Variants in TSPAN9 observed in about 807,000 individuals in gnomAD.
The protein encoded by TSPAN9 is tetraspanin 9.
A neutral mutation model predicts 31.0 loss-of-function variants in TSPAN9; 16 were observed. That is an observed-to-expected ratio of 0.52 (90% CI 0.35 to 0.78). The LOEUF is 0.78. TSPAN9 is among the 30% of genes least tolerant of loss of function. TSPAN9 has a pLI of 0.01. For synonymous variants in TSPAN9, 145 were observed against 121.6 expected (o/e 1.19, Z -1.27); for missense variants, 272 against 312.5 (o/e 0.87, Z 0.98).
chr12:3,247,428 C>T (rs1862159705), intron 3 of TSPAN9, among the ~76,000 whole-genome samples: 1 of 151,976 alleles, frequency 6.6e-6, no homozygotes, highest in Non-Finnish European at 1.5e-5. Flanking sequence ...GCCTTTGACT[C>T]TAAGTCTTCA....
chr12:3,197,716 C>A, intron 2 of TSPAN9, among the ~76,000 whole-genome samples: 1 of 141,238 alleles, frequency 7.1e-6, no homozygotes, highest in East Asian at 2.1e-4. Context: ...AGGTCACCAC[C>A]AGCACAGGTC....
intron 2 of TSPAN9, among the ~76,000 whole-genome samples, chr12:3,139,840 G>A (rs1220514299): frequency 3.3e-5 from 5 of 152,200 alleles, no homozygotes; most frequent in African/African-American, 1.2e-4. Flanking sequence ...GAGCCACCGT[G>A]CCTGGCCTCA....
At chr12:3,153,663 A>G (rs1339207098) in intron 2 of TSPAN9, among the ~76,000 whole-genome samples, 1 of 152,088 alleles carries the variant, frequency 6.6e-6, no homozygotes, top group Non-Finnish European at 1.5e-5. Flanking sequence ...AACTGCACTA[A>G]TACATTAATA....
intron 3 of TSPAN9, among the ~76,000 whole-genome samples, chr12:3,210,381 A>G (rs888784202): frequency 2.0e-5 from 3 of 152,194 alleles, no homozygotes; most frequent in Non-Finnish European, 4.4e-5. Flanking sequence ...GTAAAATGCT[A>G]TATTATAATG....
intron 3 of TSPAN9, among the ~76,000 whole-genome samples, chr12:3,277,191 C>T (rs1591721546): frequency 2.0e-5 from 3 of 152,216 alleles, no homozygotes; most frequent in African/African-American, 4.8e-5. Context: ...TTTGCAAGCT[C>T]ACACCACCAG....
Position 3,168,217 on chromosome 12 carries a change from C to T in TSPAN9, c.-17-32960C>T, listed in dbSNP as rs1291407071. Among the ~76,000 whole-genome samples the T allele has an allele frequency of 6.6e-6, 1 of 152,188 alleles. No individual in the cohort carries two copies. The highest frequency in any genetic ancestry group is 1.5e-5 in the Non-Finnish European group (1 of 68,024). On this transcript the variant is annotated intron_variant, in intron 2 of 8. Transcript: ENST00000011898. The surrounding 1 kb of genome is among the most constrained non-coding windows in gnomAD (Gnocchi z 4.0). ...GAGAATCATTCGCTCTTTTCTCTAT[C>T]ATGGGAAAAATCTTCATCCCTCTAC... is the stretch of plus-strand genomic sequence containing the variant.
At position 3,283,464 on chromosome 12, in the gene TSPAN9, G is replaced by A. The variant is rs946202052; in HGVS notation, c.*348G>A. 9.6e-6 allele frequency: 2 copies of A among 208,930 alleles called. No individual in the cohort carries two copies. The highest frequency in any genetic ancestry group is 4.6e-5 in the African/African-American group (2 of 43,160). 12.9% of individuals were successfully genotyped at this position (208,930 alleles called of 1,614,324 possible). ...CACTGACACTTTGTCCCCACATGGG[G>A]TGGGGAGCAGAGTGCCCGCCCCGTG... On this transcript the variant is annotated 3_prime_UTR_variant, in exon 9 of 9. Transcript: ENST00000011898.
chr12:3,183,756 G>A (rs1165304354), intron 2 of TSPAN9, among the ~76,000 whole-genome samples: 1 of 152,186 alleles, frequency 6.6e-6, no homozygotes, highest in East Asian at 1.9e-4. Flanking sequence ...AGGGAACTCG[G>A]CATTTGGGAA....
At chr12:3,156,272 G>A (rs530728978) in intron 2 of TSPAN9, among the ~76,000 whole-genome samples, 18 of 152,252 alleles carry the variant, frequency 1.2e-4, no homozygotes, top group Middle Eastern at 3.4e-3. Flanking sequence ...GACGGATCTC[G>A]TTGTGAATAA....
intron 2 of TSPAN9, among the ~76,000 whole-genome samples, chr12:3,128,985 T>A (rs1386027885): frequency 6.6e-6 from 1 of 152,232 alleles, no homozygotes; most frequent in Non-Finnish European, 1.5e-5. Flanking sequence ...AATTGGATTA[T>A]TCCAGGTACC....
At chr12:3,104,734 C>T (rs1408475249) in intron 2 of TSPAN9, among the ~76,000 whole-genome samples, 1 of 152,288 alleles carries the variant, frequency 6.6e-6, no homozygotes, top group African/African-American at 2.4e-5. Context: ...TTAATCCGCC[C>T]AGCAACTTTA....
chr12:3,082,502 G>T (rs2153961837), intron 1 of TSPAN9, among the ~76,000 whole-genome samples: 1 of 152,332 alleles, frequency 6.6e-6, no homozygotes, highest in Admixed American at 6.5e-5. Context: ...TGTGGAGATA[G>T]CCATCAACCT....
At chr12:3,174,734 C>T (rs914526344) in intron 2 of TSPAN9, among the ~76,000 whole-genome samples, 5 of 142,562 alleles carry the variant, frequency 3.5e-5, no homozygotes, top group African/African-American at 9.7e-5. Context: ...AGGCGCCCAC[C>T]ACCGCGCCCG....
intron 2 of TSPAN9, chr12:3,200,621 G>A (rs1027922088): frequency 2.0e-5 from 3 of 152,478 alleles, no homozygotes; most frequent in Non-Finnish European, 4.4e-5. Flanking sequence ...TCAAATTGCA[G>A]CCTCCCCAAA....
chr12:3,130,584 G>A (rs572303666), intron 2 of TSPAN9, among the ~76,000 whole-genome samples: 29 of 152,314 alleles, frequency 1.9e-4, no homozygotes, highest in African/African-American at 6.7e-4. Context: ...CTGGGGCAGG[G>A]TGGCAGAGTG....
At chr12:3,266,773 C>T (rs149095481) in intron 3 of TSPAN9, among the ~76,000 whole-genome samples, 3 of 152,200 alleles carry the variant, frequency 2.0e-5, no homozygotes, top group Non-Finnish European at 2.9e-5. Context: ...AAAATGCTGG[C>T]GTGGGTGGAC....
chr12:3,176,949 G>A (rs1256124226), intron 2 of TSPAN9, among the ~76,000 whole-genome samples: 2 of 152,228 alleles, frequency 1.3e-5, no homozygotes, highest in Non-Finnish European at 2.9e-5. Flanking sequence ...CGCATTAGCG[G>A]GAAGAGTACC....
rs554078534 is a variant in TSPAN9, at chr12:3,263,645, C to G, written c.64-14776C>G. On this transcript the variant is annotated intron_variant, in intron 3 of 8. Coordinates refer to ENST00000011898, the MANE Select transcript of TSPAN9 (RefSeq NM_006675.5). ...TGTCTGTTTATGAAAACCAGGGCCT[C>G]TCTGTGCCCAGCATTGTGCTTGATA... Among the ~76,000 whole-genome samples, 5 of 152,350 alleles carry G rather than the reference C, an allele frequency of 3.3e-5. No homozygotes were observed. In the East Asian group the frequency reaches 9.7e-4, roughly 29 times the overall value.
chr12:3,098,913 C>T (rs191909113), intron 2 of TSPAN9, among the ~76,000 whole-genome samples: 62 of 151,948 alleles, frequency 4.1e-4, no homozygotes, highest in Admixed American at 2.9e-3. Flanking sequence ...TCACCACGCC[C>T]GGCTAATTTT....
Sources: allele counts gnomAD v4.1 joint callset (sites outside exome capture counted in the v4.1 genomes callset), GRCh38; gene constraint gnomAD v4.1.1; non-coding constraint Gnocchi (gnomAD v3.1); transcripts MANE v1.5; gene names NCBI Gene and HGNC (gene_info 2026-07-23, HGNC 2026-07-21).